Variants in FHIT observed in about 807,000 individuals in gnomAD.
The protein encoded by FHIT is bis(5'-adenosyl)-triphosphatase.
In FHIT, 19 loss-of-function variants were observed where a neutral mutation model predicts 17.9. The ratio of observed to expected loss-of-function variants is 1.06; its 90% CI spans 0.74 to 1.56. The LOEUF is 1.56. Ranked by LOEUF, FHIT falls within the 40% of genes most tolerant of loss-of-function variation. The pLI, the probability that FHIT is intolerant of heterozygous loss-of-function variation, is 0.00. For missense variants in FHIT, 248 were observed against 189.2 expected (o/e 1.31, Z -1.82); for synonymous variants, 81 against 69.7 (o/e 1.16, Z -0.81).
At chr3:60,895,004 G>C (rs1705718655) in intron 3 of FHIT, among the ~76,000 whole-genome samples, 1 of 152,168 alleles carries the variant, frequency 6.6e-6, no homozygotes, top group African/African-American at 2.4e-5. Flanking sequence ...CTTACACGTA[G>C]TCCATATTTA....
At chr3:59,934,451 A>G (rs898044245) in intron 7 of FHIT, among the ~76,000 whole-genome samples, 3 of 152,136 alleles carry the variant, frequency 2.0e-5, no homozygotes, top group Non-Finnish European at 4.4e-5. Flanking sequence ...GACTTCTAAC[A>G]AATTGAGATC....
chr3:60,281,891 G>T (rs213367), intron 5 of FHIT, among the ~76,000 whole-genome samples: 144,956 of 152,258 alleles, frequency 0.95, 69,012 homozygotes, highest in East Asian at 0.99. Flanking sequence ...AAAGGACAAG[G>T]CACAGAATGG....
At chr3:60,023,308 A>T (rs1251003215) in intron 5 of FHIT, among the ~76,000 whole-genome samples, 1 of 152,228 alleles carries the variant, frequency 6.6e-6, no homozygotes, top group East Asian at 1.9e-4. Context: ...AGAAAACCAC[A>T]TGCAACATAA....
At chr3:60,131,203 A>C (rs1465504236) in intron 5 of FHIT, among the ~76,000 whole-genome samples, 1 of 151,646 alleles carries the variant, frequency 6.6e-6, no homozygotes, top group Admixed American at 6.6e-5. Flanking sequence ...GTATTTGCAT[A>C]TAACCTTCCC....
intron 4 of FHIT, among the ~76,000 whole-genome samples, chr3:60,663,624 A>G (rs1428255505): frequency 6.6e-6 from 1 of 151,866 alleles, no homozygotes; most frequent in African/African-American, 2.4e-5. Context: ...TTTACAAGAG[A>G]GGGGGTTTCA....
At chr3:59,807,797 A>G (rs1041662949) in intron 8 of FHIT, among the ~76,000 whole-genome samples, 1 of 152,202 alleles carries the variant, frequency 6.6e-6, no homozygotes, top group Non-Finnish European at 1.5e-5. Flanking sequence ...TTCCGCAAAC[A>G]CAGGAGAAAG....
chr3:60,451,359 C>G (rs2031731140), intron 5 of FHIT, among the ~76,000 whole-genome samples: 1 of 152,102 alleles, frequency 6.6e-6, no homozygotes, highest in East Asian at 1.9e-4. Context: ...TTTTCTCCCT[C>G]TTCTTTCAGA....
intron 7 of FHIT, among the ~76,000 whole-genome samples, chr3:59,955,334 C>G (rs1466582974): frequency 1.3e-5 from 2 of 152,200 alleles, no homozygotes; most frequent in African/African-American, 4.8e-5. Flanking sequence ...GCTATTCTTT[C>G]TTTCTGGATG....
chr3:60,281,786 T>C (rs888902139), intron 5 of FHIT, among the ~76,000 whole-genome samples: 2 of 152,108 alleles, frequency 1.3e-5, no homozygotes, highest in African/African-American at 4.8e-5. Flanking sequence ...TGTTTATAGA[T>C]ATAACAACAA....
At chr3:60,360,663 T>C (rs1357617098) in intron 5 of FHIT, among the ~76,000 whole-genome samples, 2 of 152,170 alleles carry the variant, frequency 1.3e-5, no homozygotes, top group Non-Finnish European at 2.9e-5. Context: ...TTCTTTTCTC[T>C]TCCCTTCACC....
chr3:60,331,171 A>G (rs537625333), intron 5 of FHIT, among the ~76,000 whole-genome samples: 2 of 152,274 alleles, frequency 1.3e-5, no homozygotes, highest in Admixed American at 1.3e-4. Context: ...CCTTACCTCC[A>G]GGCCTGTGTA....
intron 5 of FHIT, among the ~76,000 whole-genome samples, chr3:60,446,899 TA>T (rs869130805): frequency 7.0e-6 from 1 of 142,726 alleles, no homozygotes; most frequent in African/African-American, 2.6e-5. Flanking sequence ...ATAATAATAA[TA>T]AAAAGCCTTC....
At chr3:60,262,748 A>G (rs1185410104) in intron 5 of FHIT, among the ~76,000 whole-genome samples, 2 of 151,990 alleles carry the variant, frequency 1.3e-5, no homozygotes, top group East Asian at 3.9e-4. Context: ...CCTGACGGCA[A>G]AACAATCCCA....
chr3:60,993,438 T>C (rs1195282285), intron 3 of FHIT, among the ~76,000 whole-genome samples: 1 of 152,218 alleles, frequency 6.6e-6, no homozygotes, highest in Non-Finnish European at 1.5e-5. Flanking sequence ...GAAGTTCTGC[T>C]ATACCCAACA....
At chr3:59,977,514 T>C (rs1708467257) in intron 7 of FHIT, among the ~76,000 whole-genome samples, 1 of 152,146 alleles carries the variant, frequency 6.6e-6, no homozygotes, top group Non-Finnish European at 1.5e-5. Context: ...GAAATAAACG[T>C]ATTTAAGTTT....
At chr3:60,445,497 A>G (rs2031267355) in intron 5 of FHIT, among the ~76,000 whole-genome samples, 1 of 152,082 alleles carries the variant, frequency 6.6e-6, no homozygotes, top group African/African-American at 2.4e-5. Context: ...AAAAAGAAAC[A>G]AAGTAATGGC....
chr3:60,880,782 A>T (rs1039311883), intron 3 of FHIT, among the ~76,000 whole-genome samples: 2 of 152,216 alleles, frequency 1.3e-5, no homozygotes, highest in African/African-American at 4.8e-5. Flanking sequence ...AGTAGAGCAG[A>T]TACACAGAAA....
chr3:59,966,822 A>G (rs1305429906), intron 7 of FHIT, among the ~76,000 whole-genome samples: 1 of 152,136 alleles, frequency 6.6e-6, no homozygotes, highest in Non-Finnish European at 1.5e-5. Flanking sequence ...GACTTTCTGT[A>G]CACTGTATAC....
At chr3:61,006,355 A>T (rs1426092725) in intron 3 of FHIT, among the ~76,000 whole-genome samples, 1 of 152,198 alleles carries the variant, frequency 6.6e-6, no homozygotes, top group Non-Finnish European at 1.5e-5. Flanking sequence ...AAACGTTATT[A>T]AAAATTATTC....
Sources: gnomAD v4.1 joint callset for allele counts (sites outside exome capture counted in the v4.1 genomes callset) on GRCh38, gnomAD v4.1.1 for gene constraint, MANE v1.5 for transcripts, NCBI Gene and HGNC (gene_info 2026-07-23, HGNC 2026-07-21) for gene names.